The following EPB41L4A variants were observed in gnomAD, a reference collection of about 807,000 sequenced individuals.
EPB41L4A encodes erythrocyte membrane protein band 4.1 like 4A.
A neutral mutation model predicts 108.6 loss-of-function variants in EPB41L4A; 100 were observed. The observed-to-expected ratio is 0.92, with a 90% confidence interval of 0.78 to 1.09. The LOEUF (loss-of-function observed/expected upper bound fraction) is 1.09. EPB41L4A is among the 50% of genes least tolerant of loss of function. The probability of loss-of-function intolerance (pLI) is 0.00; values close to 1 mark genes in which losing one functional copy is unlikely to be tolerated. For missense variants in EPB41L4A, 1,030 were observed against 842.7 expected (o/e 1.22, Z -2.75); for synonymous variants, 319 against 289.0 (o/e 1.10, Z -1.05).
chr5:112,300,093 C>T (rs1217194863), intron 2 of EPB41L4A, among the ~76,000 whole-genome samples: 1 of 152,088 alleles, frequency 6.6e-6, no homozygotes, highest in Non-Finnish European at 1.5e-5. Flanking sequence ...GAATTCTTAT[C>T]CATTCTGCAA....
At chr5:112,411,748 C>T (rs1006229876) in intron 1 of EPB41L4A, among the ~76,000 whole-genome samples, 1 of 152,194 alleles carries the variant, frequency 6.6e-6, no homozygotes, top group Admixed American at 6.5e-5. Flanking sequence ...ACAGCACTCC[C>T]ATTAGGAGGC....
Position 112,327,047 on chromosome 5 carries a change from C to A in EPB41L4A, c.100-19557G>T, listed in dbSNP as rs144198739. Among the ~76,000 whole-genome samples the A allele has an allele frequency of 3.5e-3, 536 of 152,244 alleles. 2 individuals are homozygous for A. Among genetic ancestry groups the A allele is most frequent in the African/African-American group, 0.012 (512 of 41,526 alleles). ...TACAAACCTTACAATTGTGTCCCCA[C>A]AAGGCAAGAGTAATCTCAATTTCAC... On this transcript the variant is annotated intron_variant, in intron 1 of 22. Coordinates refer to ENST00000261486, the MANE Select transcript of EPB41L4A (RefSeq NM_022140.5).
intron 11 of EPB41L4A, 37 bp from the exon 12 acceptor site, chr5:112,234,792 C>T (rs903193181): frequency 3.8e-6 from 6 of 1,584,704 alleles, no homozygotes; most frequent in African/African-American, 2.7e-5. Context: ...AAAGGTAAAA[C>T]CACACAGCCA....
intron 9 of EPB41L4A, among the ~76,000 whole-genome samples, chr5:112,255,653 TTC>T (rs1229674851): frequency 6.6e-6 from 1 of 152,194 alleles, no homozygotes; most frequent in Non-Finnish European, 1.5e-5. Flanking sequence ...CCTTTGCTGG[TTC>T]TCTCTCTTCT....
intron 1 of EPB41L4A, among the ~76,000 whole-genome samples, chr5:112,353,141 G>C (rs75368108): frequency 0.011 from 1,741 of 152,256 alleles, 33 homozygotes; most frequent in African/African-American, 0.04. Context: ...TATTAGTGAA[G>C]ACTATGGTAA....
chr5:112,239,782 A>T, intron 10 of EPB41L4A, 45 bp from the exon 11 acceptor site: 1 of 1,394,652 alleles, frequency 7.2e-7, no homozygotes, highest in Non-Finnish European at 1.0e-6. Flanking sequence ...TCAATGTTAT[A>T]GGCATTCTGG....
rs769423590 is a variant in EPB41L4A at position 112,264,936 on chromosome 5, C to G, written c.514G>C (p.Glu172Gln). 3.1e-6 allele frequency: 5 copies of G among 1,612,188 alleles called. No homozygotes were observed. Among genetic ancestry groups the G allele is most frequent in the African/African-American group, 1.3e-5 (1 of 74,956 alleles). Residue 172 changes from glutamate (E) to glutamine (Q), a missense_variant, in exon 6 of 23, where the codon GAA (glutamate) becomes CAA (glutamine). Transcript: ENST00000261486. Reference sequence around the variant, plus strand: ...ATCCTTTCTATGGCTTCTTCAAGTTCTTCCTTCTGATCAGGAACAAACCGG... The same window carrying G: ...ATCCTTTCTATGGCTTCTTCAAGTTGTTCCTTCTGATCAGGAACAAACCGG... Reference protein sequence around the residue: ...EYRFVPDQKEELEEAIERIHK... With the variant: ...EYRFVPDQKEQLEEAIERIHK...
upstream of EPB41L4A, chr5:112,419,837 G>A (rs777820762): frequency 6.6e-6 from 3 of 456,644 alleles, no homozygotes; most frequent in African/African-American, 6.0e-5. Context: ...ACGGGTGGCC[G>A]TGTGTAGCCA....
intron 12 of EPB41L4A, among the ~76,000 whole-genome samples, chr5:112,214,062 A>G (rs1352731883): frequency 1.3e-5 from 2 of 152,192 alleles, no homozygotes; most frequent in African/African-American, 4.8e-5. Context: ...ATTTAGGTTT[A>G]CTGACTTTCC....
At chr5:112,396,550 CTGGCCCATGGTCTCT>C (rs1240146754) in intron 1 of EPB41L4A, among the ~76,000 whole-genome samples, 2 of 152,240 alleles carry the variant, frequency 1.3e-5, no homozygotes, top group African/African-American at 4.8e-5. Flanking sequence ...CTGAGTGGTT[CTGGCCCATGGTCTCT>C]TGCGACGTTA....
At chr5:112,210,643 C>G (rs975219656) in intron 12 of EPB41L4A, among the ~76,000 whole-genome samples, 3 of 151,980 alleles carry the variant, frequency 2.0e-5, no homozygotes, top group African/African-American at 7.3e-5. Context: ...AAGTCATGAT[C>G]GAAATAAAGA....
intron 12 of EPB41L4A, among the ~76,000 whole-genome samples, chr5:112,222,130 G>C (rs1018351242): frequency 6.6e-6 from 1 of 152,196 alleles, no homozygotes; most frequent in African/African-American, 2.4e-5. Context: ...ATGGCTTAAA[G>C]TAAAAGTAGG....
chr5:112,290,039 T>A (rs887149840), intron 2 of EPB41L4A, among the ~76,000 whole-genome samples: 1 of 152,216 alleles, frequency 6.6e-6, no homozygotes, highest in African/African-American at 2.4e-5. Flanking sequence ...CTGGCATAGA[T>A]GTTCTATGCC....
chr5:112,150,134 G>T (rs2112801163), intron 12 of EPB41L4A, among the ~76,000 whole-genome samples: 1 of 152,278 alleles, frequency 6.6e-6, no homozygotes, highest in African/African-American at 2.4e-5. Flanking sequence ...GATGGGGTAA[G>T]AATTTACACT....
chr5:112,370,929 ACT>A (rs1220150292), intron 1 of EPB41L4A, among the ~76,000 whole-genome samples: 2 of 152,118 alleles, frequency 1.3e-5, no homozygotes, highest in African/African-American at 4.8e-5. Context: ...ACAGAATGAG[ACT>A]CTGTCTCAAA....
chr5:112,417,877 T>C (rs1230857992), intron 1 of EPB41L4A, among the ~76,000 whole-genome samples: 3 of 152,226 alleles, frequency 2.0e-5, no homozygotes, highest in African/African-American at 7.2e-5. Flanking sequence ...CTGAAACTTT[T>C]AGCCAGGAAT....
At chr5:112,333,937 T>C (rs920218005) in intron 1 of EPB41L4A, among the ~76,000 whole-genome samples, 4 of 152,078 alleles carry the variant, frequency 2.6e-5, no homozygotes, top group African/African-American at 9.7e-5. Flanking sequence ...AAACCAAAAA[T>C]AAAATTCTAA....
At chr5:112,418,055 G>A (rs1193802999) in intron 1 of EPB41L4A, among the ~76,000 whole-genome samples, 2 of 136,706 alleles carry the variant, frequency 1.5e-5, no homozygotes, top group East Asian at 4.2e-4. Flanking sequence ...GGGGCGGGGG[G>A]GCGGTTTCCC....
At chr5:112,160,131 G>C (rs535024819), downstream of EPB41L4A, among the ~76,000 whole-genome samples, 43 of 152,028 alleles carry the variant, frequency 2.8e-4, no homozygotes, top group African/African-American at 1.0e-3. Context: ...GGCTGGTCTT[G>C]AACTCCTGAC....
Sources: allele counts gnomAD v4.1 joint callset (sites outside exome capture counted in the v4.1 genomes callset), GRCh38; gene constraint gnomAD v4.1.1; transcripts MANE v1.5; gene names NCBI Gene and HGNC (gene_info 2026-07-23, HGNC 2026-07-21).